GOLGB1: variants seen among roughly 807,000 people sequenced by gnomAD.
The protein encoded by GOLGB1 is golgin subfamily B member 1.
Under a neutral mutation model 336.9 loss-of-function variants are expected in GOLGB1, and 174 were observed. The ratio of observed to expected loss-of-function variants is 0.52; its 90% CI spans 0.46 to 0.59. GOLGB1 has a LOEUF of 0.59. GOLGB1 is among the 20% of genes least tolerant of loss of function. The pLI, the probability that GOLGB1 is intolerant of heterozygous loss-of-function variation, is 0.00. For missense variants in GOLGB1, 3,331 were observed against 3,645.3 expected, an observed-to-expected ratio of 0.91 and a Z score of 2.22; for synonymous variants, 1,208 against 1,289.2, an observed-to-expected ratio of 0.94 and a Z score of 1.35.
intron 14 of GOLGB1, among the ~76,000 whole-genome samples, chr3:121,688,204 CCT>C (rs1431264386): frequency 6.6e-5 from 10 of 152,268 alleles, no homozygotes; most frequent in Admixed American, 2.0e-4. Flanking sequence ...TCTCCCTCTC[CCT>C]CTCTTTCCAC....
In GOLGB1 at chr3:121,692,310, C is replaced by T; in HGVS notation, c.7054G>A (p.Ala2352Thr). The change falls in exon 14 of 22, where the codon GCT (alanine) becomes ACT (threonine). Residue 2352 changes from alanine to threonine, a missense_variant. Transcript: ENST00000614479. ...NLEGIIRQQE[A>T]DIQNSKFSYE... ...CTGAACTTAGAATTTTGAATATCAG[C>T]CTCTTGCTGCCTTATGATCCCTTCC... 1 of 1,611,028 alleles carries T rather than the reference C, an allele frequency of 6.2e-7. No individual in the cohort carries two copies. The highest frequency in any genetic ancestry group is 8.5e-7 in the Non-Finnish European group (1 of 1,179,166).
At chr3:121,713,354 T>C (rs1226330904) in intron 10 of GOLGB1, among the ~76,000 whole-genome samples, 1 of 152,140 alleles carries the variant, frequency 6.6e-6, no homozygotes, top group Non-Finnish European at 1.5e-5. Context: ...AGCCAAAGCA[T>C]GAAAAAGTCC....
chr3:121,668,034 C>T, intron 19 of GOLGB1, 27 bp downstream of exon 19: 1 of 1,271,532 alleles, frequency 7.9e-7, no homozygotes. Flanking sequence ...GGTGTATGCT[C>T]CAGGGTTTAG....
intron 1 of GOLGB1, among the ~76,000 whole-genome samples, chr3:121,744,489 T>G: frequency 6.8e-6 from 1 of 146,448 alleles, no homozygotes; most frequent in South Asian, 2.2e-4. Context: ...CATACTGGCA[T>G]ATGCCTGCAG....
chr3:121,678,384 T>C lies in GOLGB1; in HGVS notation c.8874-934A>G, dbSNP rs116601421. Among the ~76,000 whole-genome samples the C allele has an allele frequency of 4.3e-3, 652 of 152,330 alleles. 3 individuals carry two copies. Among genetic ancestry groups the C allele is most frequent in the African/African-American group, 0.015 (603 of 41,576 alleles). On this transcript the variant is annotated intron_variant, in intron 15 of 21. Transcript: ENST00000614479. ...TAGAGATGTTATGATATTTATACTATATTGACAGTTGTCATTCTAATGGCC... is the reference window on the plus strand; with the variant it reads ...TAGAGATGTTATGATATTTATACTACATTGACAGTTGTCATTCTAATGGCC...
At chr3:121,708,273 A>T (rs745877861) in intron 10 of GOLGB1, among the ~76,000 whole-genome samples, 24 of 152,038 alleles carry the variant, frequency 1.6e-4, no homozygotes, top group Non-Finnish European at 1.6e-4. Flanking sequence ...TTAAAAGAGG[A>T]CATGAAAAAA....
chr3:121,697,404 C>T lies in GOLGB1; in HGVS notation c.3119G>A (p.Gly1040Glu), dbSNP rs374818098. 3 of 1,612,952 alleles carry T rather than the reference C, an allele frequency of 1.9e-6. No individual in the cohort carries two copies. Among genetic ancestry groups the T allele is most frequent in the Non-Finnish European group, 2.5e-6 (3 of 1,179,504 alleles). Reference protein sequence around the residue: ...KEIPLSETERGEVEEDKENKE... With the variant: ...KEIPLSETEREEVEEDKENKE... The stretch of plus-strand genomic sequence containing the variant: ...GTTTTCTTTATCTTCTTCCACTTCT[C>T]CCCTCTCAGTCTCACTGAGTGGGAT... The change falls in exon 13 of 22, where the codon GGA becomes GAA. Residue 1040 changes from glycine (G) to glutamate (E), a missense_variant. Transcript: ENST00000614479.
At position 121,729,973 on chromosome 3, in the gene GOLGB1, T is replaced by G; in HGVS notation, c.141A>C (p.Gln47His). 1 of 1,611,530 alleles carries G rather than the reference T, an allele frequency of 6.2e-7. No homozygotes were observed. The change falls in exon 3 of 22, where the codon CAA becomes CAC. Residue 47 changes from glutamine (Q) to histidine (H), a missense_variant. Physicochemically the swap from Gln to His is conservative, Grantham distance 24. Coordinates refer to ENST00000614479, the MANE Select transcript of GOLGB1 (RefSeq NM_001366282.2). ...ESDMEFNNTT[Q>H]EDVQERLAYA... ...AAGCCAGGCGCTCCTGAACATCTTCTTGTGTAGTATTATTAAATTCCATGT... is the reference window on the plus strand; with the variant it reads ...AAGCCAGGCGCTCCTGAACATCTTCGTGTGTAGTATTATTAAATTCCATGT...
intron 1 of GOLGB1, among the ~76,000 whole-genome samples, chr3:121,744,908 G>A (rs539372262): frequency 8.5e-5 from 13 of 152,214 alleles, no homozygotes; most frequent in South Asian, 2.1e-4. Context: ...TGAGTTTTCC[G>A]TCCTGGCTCA....
At position 121,729,208 on chromosome 3, in the gene GOLGB1, A is replaced by C; in HGVS notation, c.382T>G (p.Ser128Ala). The change falls in exon 4 of 22, where the codon TCA (serine) becomes GCA (alanine). Residue 128 changes from serine (S) to alanine (A), a missense_variant. Transcript: ENST00000614479. Reference sequence around the variant, plus strand: ...CATACCTTGGAAAGTTGCTCCTCTGACTGAGGTTCTGTAGGCAGAACAGTC... The same window carrying C: ...CATACCTTGGAAAGTTGCTCCTCTGCCTGAGGTTCTGTAGGCAGAACAGTC... ...GGTVLPTEPQ[S>A]EEQLSKHDKS... The C allele has an allele frequency of 6.2e-7, 1 of 1,608,902 alleles. No homozygotes were observed.
chr3:121,727,306 ATATATATATATATATTT>A (rs1560307537), intron 4 of GOLGB1, among the ~76,000 whole-genome samples: 41 of 28,602 alleles, frequency 1.4e-3, no homozygotes, highest in African/African-American at 3.3e-3. Context: ...ATATATATAT[ATATATATATATATATTT>A]TTTTTTTTTT....
intron 10 of GOLGB1, among the ~76,000 whole-genome samples, chr3:121,706,051 T>A (rs145888608): frequency 3.5e-3 from 525 of 151,220 alleles, no homozygotes; most frequent in Non-Finnish European, 6.3e-3. Context: ...CAAAGGAGAA[T>A]CACTTGAACC....
At chr3:121,740,384 T>TA (rs1946770784) in intron 1 of GOLGB1, among the ~76,000 whole-genome samples, 1 of 152,130 alleles carries the variant, frequency 6.6e-6, no homozygotes. Context: ...TCTTCATATT[T>TA]AAAAAACAAA....
At chr3:121,674,701 G>C (rs916859525) in intron 17 of GOLGB1, among the ~76,000 whole-genome samples, 1 of 152,150 alleles carries the variant, frequency 6.6e-6, no homozygotes, top group African/African-American at 2.4e-5. Flanking sequence ...GACTCATTCA[G>C]AGTGAGGCTA....
chr3:121,731,048 T>C (rs1946077704), intron 1 of GOLGB1, 75 bp from the exon 2 acceptor site: 2 of 1,404,616 alleles, frequency 1.4e-6, no homozygotes, highest in Non-Finnish European at 9.7e-7. Flanking sequence ...TTGATAACCA[T>C]ATCATCCGTG....
chr3:121,745,945 A>C (rs1452434570), intron 1 of GOLGB1, among the ~76,000 whole-genome samples: 1 of 152,246 alleles, frequency 6.6e-6, no homozygotes, highest in African/African-American at 2.4e-5. Flanking sequence ...TTATGCTAGG[A>C]ACTATAAAAA....
intron 14 of GOLGB1, among the ~76,000 whole-genome samples, chr3:121,688,600 G>A (rs1426433119): frequency 1.3e-5 from 2 of 152,168 alleles, no homozygotes; most frequent in African/African-American, 2.4e-5. Context: ...CCTCTGCCCC[G>A]CCGCCACCCC....
At chr3:121,672,102 T>G (rs1939623901) in intron 17 of GOLGB1, among the ~76,000 whole-genome samples, 2 of 152,240 alleles carry the variant, frequency 1.3e-5, no homozygotes, top group South Asian at 4.1e-4. Flanking sequence ...CCAATAAACA[T>G]GGGAGTACAG....
chr3:121,674,293 T>G (rs1420017578), intron 17 of GOLGB1, among the ~76,000 whole-genome samples: 2 of 152,130 alleles, frequency 1.3e-5, no homozygotes, highest in African/African-American at 4.8e-5. Flanking sequence ...TAATAATATA[T>G]TGAATAACAG....
Sources: allele counts gnomAD v4.1 joint callset (sites outside exome capture counted in the v4.1 genomes callset), GRCh38; gene constraint gnomAD v4.1.1; transcripts MANE v1.5; gene names NCBI Gene and HGNC (gene_info 2026-07-23, HGNC 2026-07-21).